Variants in SMN2 observed in about 807,000 individuals in gnomAD.
SMN2 encodes the protein survival motor neuron protein.
A neutral mutation model predicts 2.8 loss-of-function variants in SMN2; 1 was observed. The ratio of observed to expected loss-of-function variants is 0.35; its 90% CI spans 0.13 to 1.68. The LOEUF (loss-of-function observed/expected upper bound fraction) is 1.68. Ranked by LOEUF, SMN2 falls within the 40% of genes most tolerant of loss-of-function variation. The pLI is 0.35. For synonymous variants in SMN2, 5 were observed against 5.0 expected, an observed-to-expected ratio of 0.99 and a Z score of 0.01; for missense variants, 12 against 16.9, an observed-to-expected ratio of 0.71 and a Z score of 0.51.
intron 8 of SMN2, 74 bp downstream of exon 8, chr5:70,076,648 T>G: frequency 7.1e-7 from 1 of 1,417,674 alleles, no homozygotes; most frequent in South Asian, 1.2e-5. Flanking sequence ...CAAATGTTTT[T>G]GAACATTTAA....
At chr5:70,075,672 C>A (rs212220) in intron 7 of SMN2, among the ~76,000 whole-genome samples, 4,466 of 119,806 alleles carry the variant, frequency 0.037, 901 homozygotes, top group African/African-American at 0.15. Flanking sequence ...AAATTTTTTA[C>A]ATTTAAATTT....
intron 1 of SMN2, among the ~76,000 whole-genome samples, chr5:70,052,419 T>C (rs1434881638): frequency 2.8e-5 from 1 of 35,912 alleles, no homozygotes; most frequent in African/African-American, 8.6e-5. Flanking sequence ...CACGTGTCTA[T>C]AATCCCAGCT....
downstream of SMN2, among the ~76,000 whole-genome samples, chr5:70,083,249 T>C (rs1309002617): frequency 9.1e-6 from 1 of 110,490 alleles, no homozygotes; most frequent in African/African-American, 4.5e-5. Context: ...TTCTGTTCTT[T>C]TACGTTTGCT....
chr5:70,088,424 C>CT, the SMN2 span, among the ~76,000 whole-genome samples: 1,993 of 36,790 alleles, frequency 0.054, 248 homozygotes, highest in East Asian at 0.073. Flanking sequence ...AAGTTTCAAA[C>CT]TTTTTTTTTT....
chr5:70,052,147 C>T (rs1233689007), intron 1 of SMN2, among the ~76,000 whole-genome samples: 4 of 124,030 alleles, frequency 3.2e-5, no homozygotes, highest in East Asian at 2.2e-4. Context: ...GCCGAGATCA[C>T]GCCACTGTAC....
the SMN2 span, among the ~76,000 whole-genome samples, chr5:70,083,934 C>T: frequency 8.3e-6 from 1 of 120,908 alleles, no homozygotes. Context: ...CACATGTACC[C>T]TAAAACTTAA....
chr5:70,052,185 C>A, intron 1 of SMN2, among the ~76,000 whole-genome samples: 1 of 139,226 alleles, frequency 7.2e-6, no homozygotes, highest in Non-Finnish European at 1.6e-5. Context: ...AGTGAGACTT[C>A]ACCTCAAAAA....
chr5:70,084,465 G>A, the SMN2 span, among the ~76,000 whole-genome samples: 1 of 134,688 alleles, frequency 7.4e-6, no homozygotes, highest in Non-Finnish European at 1.5e-5. Flanking sequence ...GGGATTACAG[G>A]CATGAGCCAC....
the SMN2 span, among the ~76,000 whole-genome samples, chr5:70,084,263 C>T: frequency 2.7e-5 from 2 of 73,282 alleles, no homozygotes; most frequent in Admixed American, 3.1e-4. Context: ...CTCAGCTCAC[C>T]GCAACCTCCG....
chr5:70,077,898 C>T (rs1364995241), downstream of SMN2: 1 of 128,534 alleles, frequency 7.8e-6, no homozygotes, highest in Non-Finnish European at 1.6e-5. Context: ...CACCATGCCC[C>T]ACTAAGTTTT....
downstream of SMN2, among the ~76,000 whole-genome samples, chr5:70,079,357 G>A (rs1484810809): frequency 3.0e-4 from 43 of 144,996 alleles, no homozygotes; most frequent in East Asian, 6.3e-3. Flanking sequence ...GCTTGAACCC[G>A]GGAGGTGGAG....
At chr5:70,083,667 T>C in the SMN2 span, among the ~76,000 whole-genome samples, 2 of 133,332 alleles carry the variant, frequency 1.5e-5, 1 homozygote, top group South Asian at 4.6e-4. Context: ...ATGGATGAAA[T>C]TGGAAATCAT....
chr5:70,071,511 ATTTTATTTTT>A (rs1365919545), intron 7 of SMN2: 2 of 118,226 alleles, frequency 1.7e-5, no homozygotes, highest in African/African-American at 7.2e-5. Flanking sequence ...ATTTTATTTT[ATTTTATTTTT>A]TTTTTTTTTT....
intron 8 of SMN2, 91 bp downstream of exon 8, chr5:70,076,665 C>G: frequency 7.1e-7 from 1 of 1,409,054 alleles, no homozygotes; most frequent in South Asian, 1.2e-5. Context: ...TTAAAAAGTT[C>G]AGATGTTAGA....
At chr5:70,080,181 AT>A (rs1774836148), downstream of SMN2, among the ~76,000 whole-genome samples, 1 of 126,822 alleles carries the variant, frequency 7.9e-6, no homozygotes, top group African/African-American at 3.4e-5. Context: ...CAAAAAAAAA[AT>A]TAGCTCGGCA....
chr5:70,085,014 T>C, the SMN2 span, among the ~76,000 whole-genome samples: 108 of 137,434 alleles, frequency 7.9e-4, 7 homozygotes, highest in African/African-American at 1.3e-3. Flanking sequence ...GTGTCCTTTT[T>C]GAAAGCAGTT....
intron 6 of SMN2, 22 bp from the exon 7 acceptor site, chr5:70,070,616 AAAC>A: frequency 3.5e-5 from 1 of 28,980 alleles, no homozygotes; most frequent in Non-Finnish European, 5.7e-5. Flanking sequence ...TACTGGATAT[AAAC>A]AATATCTTTT....
At chr5:70,079,114 T>C (rs1774812839), downstream of SMN2, among the ~76,000 whole-genome samples, 1 of 119,848 alleles carries the variant, frequency 8.3e-6, no homozygotes, top group Non-Finnish European at 1.8e-5. Context: ...AATAATGGAT[T>C]CAATTTAGAC....
At chr5:70,083,301 AGGTGT>A (rs1229432821), downstream of SMN2, among the ~76,000 whole-genome samples, 1 of 127,456 alleles carries the variant, frequency 7.8e-6, no homozygotes, top group South Asian at 2.5e-4. Flanking sequence ...ATTTTGGAAT[AGGTGT>A]GGTGTGGTGC....
Sources: gnomAD v4.1 joint callset for allele counts (sites outside exome capture counted in the v4.1 genomes callset) on GRCh38, gnomAD v4.1.1 for gene constraint, MANE v1.5 for transcripts, NCBI Gene and HGNC (gene_info 2026-07-23, HGNC 2026-07-21) for gene names.